The following ZIM2 variants were observed in gnomAD, a reference collection of about 807,000 sequenced individuals.
The protein encoded by ZIM2 is zinc finger protein 656.
In ZIM2, 14 loss-of-function variants were observed where a neutral mutation model predicts 38.6. That is an observed-to-expected ratio of 0.36 (90% CI 0.24 to 0.57). The LOEUF (loss-of-function observed/expected upper bound fraction) is 0.57. ZIM2 is among the 20% of genes least tolerant of loss of function. The pLI, the probability that ZIM2 is intolerant of heterozygous loss-of-function variation, is 0.81. For synonymous variants in ZIM2, 247 were observed against 245.8 expected, an observed-to-expected ratio of 1.00 and a Z score of -0.04; for missense variants, 680 against 695.1, an observed-to-expected ratio of 0.98 and a Z score of 0.24.
chr19:56,816,887 C>T (rs547030048), intron 9 of ZIM2: 8 of 1,613,972 alleles, frequency 5.0e-6, no homozygotes, highest in South Asian at 2.2e-5. Context: ...TCAGCCAAGG[C>T]GGCACTCTTA....
chr19:56,820,049 G>A (rs934166772), intron 7 of ZIM2, among the ~76,000 whole-genome samples: 4 of 152,202 alleles, frequency 2.6e-5, no homozygotes, highest in Admixed American at 6.5e-5. Flanking sequence ...GAAAAAGCAC[G>A]CTTTGATTGA....
chr19:56,795,780 A>G (rs1568580113), intron 9 of ZIM2, among the ~76,000 whole-genome samples: 3 of 152,032 alleles, frequency 2.0e-5, no homozygotes, highest in Non-Finnish European at 4.4e-5. Flanking sequence ...GGCAGAGGTT[A>G]CAGTGAGCCG....
intron 2 of ZIM2, among the ~76,000 whole-genome samples, chr19:56,831,420 G>A (rs1178547564): frequency 6.6e-6 from 1 of 152,188 alleles, no homozygotes; most frequent in African/African-American, 2.4e-5. Context: ...CTCAGTGTTT[G>A]GTTACTCAAG....
chr19:56,827,350 A>G (rs1568692092), intron 2 of ZIM2, among the ~76,000 whole-genome samples: 1 of 152,238 alleles, frequency 6.6e-6, no homozygotes, highest in Non-Finnish European at 1.5e-5. Context: ...CCAGGCCAAT[A>G]GAACTTGGCC....
In ZIM2 at chr19:56,814,141, C is replaced by T. The variant is rs55939376; in HGVS notation, c.490+3605G>A. On this transcript the variant is annotated intron_variant, in intron 9 of 12. Transcript: ENST00000629319. The surrounding 1 kb of genome is among the most constrained non-coding windows in gnomAD (Gnocchi z 5.8). ...CTCTCCATTTGGCTGTCCAGCCTCT[C>T]CAATGGGCTCTGCAGCCTCTCCATC... The T allele has an allele frequency of 8.5e-5, 137 of 1,614,148 alleles. No individual in the cohort carries two copies. The highest frequency in any genetic ancestry group is 3.3e-4 in the Middle Eastern group (2 of 6,062).
chr19:56,793,586 A>G (rs2047049436), intron 9 of ZIM2, among the ~76,000 whole-genome samples: 1 of 152,228 alleles, frequency 6.6e-6, no homozygotes, highest in African/African-American at 2.4e-5. Flanking sequence ...TGACAGCTAT[A>G]AATAGCCAAT....
At chr19:56,810,010 G>T in intron 9 of ZIM2, 1 of 334,142 alleles carries the variant, frequency 3.0e-6, no homozygotes, top group Non-Finnish European at 4.3e-6. Flanking sequence ...CTAAGCTTTT[G>T]GATTTATAAC....
intron 2 of ZIM2, among the ~76,000 whole-genome samples, chr19:56,829,650 G>C (rs963814452): frequency 1.3e-5 from 2 of 152,232 alleles, no homozygotes; most frequent in African/African-American, 4.8e-5. Context: ...TATGCAATGA[G>C]GTTAGCTGCC....
chr19:56,778,524 G>C (rs1281253612), intron 12 of ZIM2, among the ~76,000 whole-genome samples: 1 of 152,202 alleles, frequency 6.6e-6, no homozygotes, highest in African/African-American at 2.4e-5. Context: ...TCTCTCTTGA[G>C]AATGCTTCTT....
chr19:56,785,988 C>T (rs2046577800), intron 10 of ZIM2, among the ~76,000 whole-genome samples: 2 of 152,052 alleles, frequency 1.3e-5, no homozygotes, highest in Admixed American at 1.3e-4. Flanking sequence ...AACATTTCAT[C>T]GCCCCAAAAG....
chr19:56,806,403 C>T (rs1360159265), intron 9 of ZIM2, among the ~76,000 whole-genome samples: 1 of 152,138 alleles, frequency 6.6e-6, no homozygotes, highest in Admixed American at 6.5e-5. Context: ...ATTATTTCTA[C>T]ATTCCAGCCT....
At chr19:56,831,737 C>T (rs1200215500) in intron 2 of ZIM2, among the ~76,000 whole-genome samples, 2 of 152,234 alleles carry the variant, frequency 1.3e-5, no homozygotes, top group Non-Finnish European at 2.9e-5. Flanking sequence ...AAATAAAACA[C>T]AGCACTACAT....
chr19:56,831,701 G>A (rs1295034479), intron 2 of ZIM2, among the ~76,000 whole-genome samples: 2 of 152,228 alleles, frequency 1.3e-5, no homozygotes, highest in Non-Finnish European at 2.9e-5. Flanking sequence ...GTCAAGGAAT[G>A]TTACAGCTTT....
intron 9 of ZIM2, among the ~76,000 whole-genome samples, chr19:56,805,335 A>C (rs1600811238): frequency 6.6e-6 from 1 of 152,260 alleles, no homozygotes; most frequent in Non-Finnish European, 1.5e-5. Context: ...AGAGTCTGGG[A>C]CCTTCCACTG....
At chr19:56,800,746 T>G (rs534443563) in intron 9 of ZIM2, among the ~76,000 whole-genome samples, 1 of 152,132 alleles carries the variant, frequency 6.6e-6, no homozygotes. Context: ...AGAGGTATGA[T>G]AGAACAAATC....
At chr19:56,831,235 G>A (rs1040044512) in intron 2 of ZIM2, among the ~76,000 whole-genome samples, 1 of 152,138 alleles carries the variant, frequency 6.6e-6, no homozygotes, top group Non-Finnish European at 1.5e-5. Context: ...ATATACCACT[G>A]GGACATAACA....
At chr19:56,815,100 C>A in intron 9 of ZIM2, 1 of 1,613,788 alleles carries the variant, frequency 6.2e-7, no homozygotes, top group Non-Finnish European at 8.5e-7. Context: ...CCACAAAGCC[C>A]AGGCCACAGT....
intron 10 of ZIM2, among the ~76,000 whole-genome samples, chr19:56,783,811 T>C (rs1320303723): frequency 6.6e-6 from 1 of 152,156 alleles, no homozygotes; most frequent in Non-Finnish European, 1.5e-5. Context: ...CCTGCACATG[T>C]GTGCCCTGAT....
chr19:56,825,265 G>A (rs865921343), intron 3 of ZIM2, among the ~76,000 whole-genome samples: 1 of 152,284 alleles, frequency 6.6e-6, no homozygotes. Context: ...TATACAACAT[G>A]TAAAAAATGG....
Sources: gnomAD v4.1 joint callset for allele counts (sites outside exome capture counted in the v4.1 genomes callset) on GRCh38, gnomAD v4.1.1 for gene constraint, Gnocchi (gnomAD v3.1) non-coding constraint, MANE v1.5 for transcripts, NCBI Gene and HGNC (gene_info 2026-07-23, HGNC 2026-07-21) for gene names.